The following PHACTR2 variants were observed in gnomAD, a reference collection of about 807,000 sequenced individuals.
PHACTR2 encodes phosphatase and actin regulator 2.
A neutral mutation model predicts 76.0 loss-of-function variants in PHACTR2; 30 were observed. The ratio of observed to expected loss-of-function variants is 0.39; its 90% CI spans 0.30 to 0.54. The LOEUF (loss-of-function observed/expected upper bound fraction) is 0.54, where lower values mean the gene tolerates loss of function less well. Ranked by LOEUF, PHACTR2 falls within the 20% of genes least tolerant of loss-of-function variation. PHACTR2 has a pLI of 0.61. For missense variants in PHACTR2, 696 were observed against 781.1 expected (o/e 0.89, Z 1.30); for synonymous variants, 292 against 292.5 (o/e 1.00, Z 0.02).
In PHACTR2 at chr6:143,757,119, T is replaced by G. The variant is rs979028538; in HGVS notation, c.454+3207T>G. Among the ~76,000 whole-genome samples, 1 of 152,092 alleles carries G rather than the reference T, an allele frequency of 6.6e-6. No homozygotes were observed. The highest frequency in any genetic ancestry group is 1.5e-5 in the Non-Finnish European group (1 of 68,042). ...GAAATCTTGCTTGACATTATTTTTA[T>G]TAAGTTATTATTTTAAAATCTTCAA... On this transcript the variant is annotated intron_variant, in intron 4 of 12. Coordinates refer to ENST00000440869, the MANE Select transcript of PHACTR2 (RefSeq NM_001100164.2). The surrounding 1 kb of genome is among the most constrained non-coding windows in gnomAD (Gnocchi z 4.2).
chr6:143,640,606 C>G (rs1776547866), intron 1 of PHACTR2, among the ~76,000 whole-genome samples: 2 of 152,164 alleles, frequency 1.3e-5, no homozygotes, highest in African/African-American at 4.8e-5. Flanking sequence ...AGCCTCAGAA[C>G]AAACATTTTC....
intron 2 of PHACTR2, among the ~76,000 whole-genome samples, chr6:143,737,192 G>T (rs1397430139): frequency 6.6e-6 from 1 of 151,264 alleles, no homozygotes; most frequent in East Asian, 1.9e-4. Flanking sequence ...TATAGGACAA[G>T]AATACTTCTA....
rs762922401 is a variant in PHACTR2 at position 143,772,219 on chromosome 6, G to C, written c.1233-39G>C. 2.0e-6 allele frequency: 3 copies of C among 1,487,816 alleles called. No homozygotes were observed. Among genetic ancestry groups the C allele is most frequent in the African/African-American group, 1.4e-5 (1 of 72,486 alleles). 92.2% of individuals were successfully genotyped at this position (1,487,816 alleles called of 1,614,324 possible). ...TGTCAGTGCCGCCAAGGGTTGCTCTGAGCTTCACATCACTCCCATGCTTTT... is the reference window on the plus strand; with the variant it reads ...TGTCAGTGCCGCCAAGGGTTGCTCTCAGCTTCACATCACTCCCATGCTTTT... On this transcript the variant is annotated intron_variant, in intron 6 of 12. Coordinates refer to ENST00000440869, the MANE Select transcript of PHACTR2 (RefSeq NM_001100164.2). This position sits in a 1 kb window ranked among gnomAD's most constrained non-coding sequence, Gnocchi z 5.4.
At chr6:143,607,749 C>T (rs762766375), upstream of PHACTR2, among the ~76,000 whole-genome samples, 1 of 152,158 alleles carries the variant, frequency 6.6e-6, no homozygotes, top group Admixed American at 6.5e-5. Flanking sequence ...TACTCCCTGC[C>T]TCCTCCCCCA....
intron 1 of PHACTR2, among the ~76,000 whole-genome samples, chr6:143,650,743 A>G (rs1338064225): frequency 2.6e-5 from 4 of 152,216 alleles, no homozygotes; most frequent in African/African-American, 4.8e-5. Flanking sequence ...AAGAAAGTCT[A>G]GGCAATACCA....
chr6:143,736,550 T>C (rs577889143), intron 2 of PHACTR2, among the ~76,000 whole-genome samples: 1 of 141,600 alleles, frequency 7.1e-6, no homozygotes, highest in South Asian at 2.2e-4. Flanking sequence ...CCAAACCCTT[T>C]ACAATTTTTT....
intron 1 of PHACTR2, among the ~76,000 whole-genome samples, chr6:143,576,825 G>T (rs1359612233): frequency 7.3e-6 from 1 of 136,320 alleles, no homozygotes; most frequent in African/African-American, 2.8e-5. Context: ...GCAGTGAGCC[G>T]AACTCGTACC....
In PHACTR2 at chr6:143,789,606, T is replaced by A. The variant is rs1051425810; in HGVS notation, c.1845+696T>A. ...AAGATTCGTGCCAACCGTTTGTTTT[T>A]AAATTGTTCTAATTTTTATCTCTTA... On this transcript the variant is annotated intron_variant, in intron 11 of 12. Coordinates refer to ENST00000440869, the MANE Select transcript of PHACTR2 (RefSeq NM_001100164.2). The surrounding 1 kb of genome is among the most constrained non-coding windows in gnomAD (Gnocchi z 5.1). 1.3e-5 allele frequency among the ~76,000 whole-genome samples: 2 copies of A among 152,240 alleles called. No individual in the cohort carries two copies. The highest frequency in any genetic ancestry group is 2.9e-5 in the Non-Finnish European group (2 of 68,042).
chr6:143,576,284 C>T (rs949047280), intron 1 of PHACTR2, among the ~76,000 whole-genome samples: 2 of 152,156 alleles, frequency 1.3e-5, no homozygotes, highest in African/African-American at 2.4e-5. Context: ...CATGACATAG[C>T]TTTGGAAGGT....
rs558388191 is a variant in PHACTR2, at chr6:143,678,643, A to T, written c.46+434A>T. 1.3e-5 allele frequency among the ~76,000 whole-genome samples: 2 copies of T among 152,336 alleles called. No individual in the cohort carries two copies. The highest frequency in any genetic ancestry group is 6.5e-5 in the Admixed American group (1 of 15,304). On this transcript the variant is annotated intron_variant, in intron 1 of 12. Coordinates refer to ENST00000440869, the MANE Select transcript of PHACTR2 (RefSeq NM_001100164.2). The surrounding 1 kb of genome is among the most constrained non-coding windows in gnomAD (Gnocchi z 6.2). ...CTTGTCAACTGATTTATGGTTTGTTATTCGGAGTAGAAGCGCTGATCGCCT... is the reference window on the plus strand; with the variant it reads ...CTTGTCAACTGATTTATGGTTTGTTTTTCGGAGTAGAAGCGCTGATCGCCT...
In PHACTR2 at chr6:143,578,629, G is replaced by C. The variant is rs74768437; in HGVS notation, c.217+41422G>C. On this transcript the variant is annotated intron_variant, in intron 1 of 11. Coordinates refer to the PHACTR2 transcript ENST00000367584. The surrounding 1 kb of genome is among the most constrained non-coding windows in gnomAD (Gnocchi z 4.5). Reference sequence around the variant, plus strand: ...TGCTGAGGGCTACGTGGAGGGCCTGGACAATGAGGAGAGGATGAGGAGGAG... The same window carrying C: ...TGCTGAGGGCTACGTGGAGGGCCTGCACAATGAGGAGAGGATGAGGAGGAG... Among the ~76,000 whole-genome samples the C allele has an allele frequency of 6.6e-6, 1 of 152,106 alleles. No individual in the cohort carries two copies. Among genetic ancestry groups the C allele is most frequent in the Non-Finnish European group, 1.5e-5 (1 of 67,992 alleles).
chr6:143,575,239 T>G lies in PHACTR2; in HGVS notation c.217+38032T>G, dbSNP rs576420951. ...GAACATCATGATTTCTATCCGTGGT[T>G]CATAGTTCGATGAGATAGCTTTCTC... On this transcript the variant is annotated intron_variant, in intron 1 of 11. Coordinates refer to the PHACTR2 transcript ENST00000367584. Among the ~76,000 whole-genome samples, 3 of 152,362 alleles carry G rather than the reference T, an allele frequency of 2.0e-5. No individual in the cohort carries two copies. The East Asian group carries it at 5.8e-4, about 29-fold the overall frequency.
intron 2 of PHACTR2, among the ~76,000 whole-genome samples, chr6:143,729,904 T>G (rs897307598): frequency 6.6e-6 from 1 of 152,148 alleles, no homozygotes; most frequent in Non-Finnish European, 1.5e-5. Flanking sequence ...TTTGGTGTCA[T>G]GTGTAAGAAA....
intron 2 of PHACTR2, among the ~76,000 whole-genome samples, chr6:143,732,925 A>G (rs1445922790): frequency 6.6e-6 from 1 of 151,956 alleles, no homozygotes; most frequent in Non-Finnish European, 1.5e-5. Flanking sequence ...GGTCTTGCTC[A>G]TTCACCCATG....
chr6:143,759,187 T>C (rs1779374414), intron 4 of PHACTR2, among the ~76,000 whole-genome samples: 1 of 152,252 alleles, frequency 6.6e-6, no homozygotes, highest in South Asian at 2.1e-4. Context: ...AAGAGACTAA[T>C]ACTCTTTCTC....
intron 1 of PHACTR2, among the ~76,000 whole-genome samples, chr6:143,628,140 C>A (rs954017964): frequency 6.6e-6 from 1 of 152,006 alleles, no homozygotes; most frequent in Non-Finnish European, 1.5e-5. Flanking sequence ...CTTTGTATGG[C>A]TGAATAATAT....
chr6:143,772,322 G>C lies in PHACTR2; in HGVS notation c.1297G>C (p.Glu433Gln), dbSNP rs567848575. 1.9e-6 allele frequency: 3 copies of C among 1,613,664 alleles called. No individual in the cohort carries two copies. Among genetic ancestry groups the C allele is most frequent in the Non-Finnish European group, 2.5e-6 (3 of 1,179,694 alleles). The change falls in exon 7 of 13, where the codon GAA becomes CAA. Residue 433 changes from glutamate to glutamine, a missense_variant. Physicochemically the swap from Glu to Gln is conservative, Grantham distance 29. Around this residue, in one of 2 missense-constraint regions of PHACTR2, gnomAD observed 236 missense variants for 330.2 expected, o/e 0.71. Coordinates refer to ENST00000440869, the MANE Select transcript of PHACTR2 (RefSeq NM_001100164.2). The surrounding 1 kb of genome is among the most constrained non-coding windows in gnomAD (Gnocchi z 5.4). ...GCTACTGACTCCTGGGCTGATGGGC[G>C]AATCTTCAGAATCCTTTAGTGCCTC... ...PQLLTPGLMG[E>Q]SSESFSASED... is the part of the protein sequence containing the mutation.
rs1387804151 is a variant in PHACTR2, at chr6:143,775,287, A to C, written c.1589+1072A>C. Among the ~76,000 whole-genome samples the C allele has an allele frequency of 6.6e-6, 1 of 152,144 alleles. No homozygotes were observed. The highest frequency in any genetic ancestry group is 6.5e-5 in the Admixed American group (1 of 15,268). On this transcript the variant is annotated intron_variant, in intron 8 of 12. Transcript: ENST00000440869. This position sits in a 1 kb window ranked among gnomAD's most constrained non-coding sequence, Gnocchi z 4.4. ...GCTTAGAGGGTCTCTCTGTTCTGTA[A>C]ACCCTCTTGCGACTCTGGAAGAAAT...
chr6:143,559,274 C>G (rs1775226607), intron 1 of PHACTR2, among the ~76,000 whole-genome samples: 1 of 152,204 alleles, frequency 6.6e-6, no homozygotes, highest in South Asian at 2.1e-4. Context: ...TCAAGCAGGT[C>G]AGCCCCAACT....
Sources: gnomAD v4.1 joint callset for allele counts (sites outside exome capture counted in the v4.1 genomes callset) on GRCh38, gnomAD v4.1.1 for gene constraint, gnomAD v4.1.1 regional missense constraint, Gnocchi (gnomAD v3.1) non-coding constraint, MANE v1.5 for transcripts, NCBI Gene and HGNC (gene_info 2026-07-23, HGNC 2026-07-21) for gene names.